Variants in LHPP observed in about 807,000 individuals in gnomAD.
LHPP encodes the protein hLHPP.
In LHPP, 24 loss-of-function variants were observed where a neutral mutation model predicts 30.3. The ratio of observed to expected loss-of-function variants is 0.79; its 90% CI spans 0.57 to 1.11. LHPP has a LOEUF of 1.11. Among genes scored for constraint, LHPP ranks in the 50% most tolerant of loss-of-function variants. LHPP has a pLI of 0.00. For missense variants in LHPP, 356 were observed against 367.2 expected, an observed-to-expected ratio of 0.97 and a Z score of 0.25; for synonymous variants, 150 against 157.1, an observed-to-expected ratio of 0.95 and a Z score of 0.34.
At chr10:124,506,157 G>A (rs1014928771) in intron 5 of LHPP, among the ~76,000 whole-genome samples, 5 of 152,076 alleles carry the variant, frequency 3.3e-5, no homozygotes, top group African/African-American at 4.8e-5. Flanking sequence ...GCTGACGCAC[G>A]AGATTCGCTT....
At chr10:124,602,326 A>G (rs1333768012) in intron 6 of LHPP, among the ~76,000 whole-genome samples, 1 of 152,272 alleles carries the variant, frequency 6.6e-6, no homozygotes, top group Non-Finnish European at 1.5e-5. Flanking sequence ...TGCAGAGCAC[A>G]TAGAGACGCC....
chr10:124,500,564 A>G (rs552481799), intron 5 of LHPP, among the ~76,000 whole-genome samples: 4 of 152,044 alleles, frequency 2.6e-5, no homozygotes, highest in Admixed American at 6.5e-5. Context: ...TTCATGTTGT[A>G]GCATGACATT....
intron 6 of LHPP, among the ~76,000 whole-genome samples, chr10:124,524,417 T>C (rs1237410502): frequency 6.6e-6 from 1 of 151,702 alleles, no homozygotes; most frequent in African/African-American, 2.4e-5. Flanking sequence ...GCTGGGATTA[T>C]AGCCACGCAC....
chr10:124,488,375 T>C (rs772257584), intron 2 of LHPP, 47 bp from the exon 3 acceptor site: 8 of 1,594,234 alleles, frequency 5.0e-6, no homozygotes, highest in Non-Finnish European at 6.9e-6. Context: ...AGGTAGGCCA[T>C]GTCCTCCCAG....
At chr10:124,498,814 AG>A (rs773583589) in intron 5 of LHPP, 6 of 292,382 alleles carry the variant, frequency 2.1e-5, no homozygotes, top group Non-Finnish European at 2.6e-5. Context: ...CTTACTAACC[AG>A]GCCCCCCCCC....
rs1440587271 is a variant in LHPP, at chr10:124,596,355, T to C, written c.717-16909T>C. Among the ~76,000 whole-genome samples the C allele has an allele frequency of 3.3e-5, 5 of 152,170 alleles. No individual in the cohort carries two copies. Among genetic ancestry groups the C allele is most frequent in the Non-Finnish European group, 7.4e-5 (5 of 68,014 alleles). On this transcript the variant is annotated intron_variant, in intron 6 of 6. Transcript: ENST00000368842. The surrounding 1 kb of genome is among the most constrained non-coding windows in gnomAD (Gnocchi z 4.6). The stretch of plus-strand genomic sequence containing the variant: ...TTTCTCCAGAGTGTCTGATGTACCA[T>C]GTTGCGCTCCCGCCAGCCTCGCTGA...
intron 6 of LHPP, among the ~76,000 whole-genome samples, chr10:124,575,945 G>T (rs1948654014): frequency 6.6e-6 from 1 of 152,192 alleles, no homozygotes; most frequent in Non-Finnish European, 1.5e-5. Context: ...CAGGTCGGGG[G>T]TCTGGGCAGC....
intron 6 of LHPP, among the ~76,000 whole-genome samples, chr10:124,526,505 AC>A (rs1311074209): frequency 6.6e-6 from 1 of 151,966 alleles, no homozygotes; most frequent in East Asian, 1.9e-4. Flanking sequence ...TTCTCAAGCC[AC>A]CCCCCAATTA....
rs1176488310 is a variant in LHPP at position 124,510,125 on chromosome 10, A to G, written c.625-7055A>G. Among the ~76,000 whole-genome samples the G allele has an allele frequency of 6.6e-6, 1 of 151,492 alleles. No homozygotes were observed. Among genetic ancestry groups the G allele is most frequent in the Non-Finnish European group, 1.5e-5 (1 of 67,852 alleles). The stretch of plus-strand genomic sequence containing the variant: ...CATTTTTTTCTCCGCCTCACACCCC[A>G]CCATGTCGTGTCTGAAAGGAAGCGA... On this transcript the variant is annotated intron_variant, in intron 5 of 6. Coordinates refer to ENST00000368842, the MANE Select transcript of LHPP (RefSeq NM_022126.4). The surrounding 1 kb of genome is among the most constrained non-coding windows in gnomAD (Gnocchi z 4.0).
intron 6 of LHPP, among the ~76,000 whole-genome samples, chr10:124,539,756 G>T: frequency 1.7e-5 from 1 of 59,754 alleles, no homozygotes; most frequent in African/African-American, 6.4e-5. Flanking sequence ...AAAAAAATTA[G>T]TCAGGCATGG....
At position 124,523,575 on chromosome 10, in the gene LHPP, G is replaced by A. The variant is rs1026759082; in HGVS notation, c.716+6304G>A. Among the ~76,000 whole-genome samples, 8 of 152,254 alleles carry A rather than the reference G, an allele frequency of 5.3e-5. No homozygotes were observed. The highest frequency in any genetic ancestry group is 1.7e-4 in the African/African-American group (7 of 41,480). ...ATGACAGATTTTTCTTCTGTGCTACGTGGAGTGTGAGGGAAGGAAGTGAAA... is the reference window on the plus strand; with the variant it reads ...ATGACAGATTTTTCTTCTGTGCTACATGGAGTGTGAGGGAAGGAAGTGAAA... On this transcript the variant is annotated intron_variant, in intron 6 of 6. Transcript: ENST00000368842. This position sits in a 1 kb window ranked among gnomAD's most constrained non-coding sequence, Gnocchi z 4.2.
intron 6 of LHPP, among the ~76,000 whole-genome samples, chr10:124,567,897 A>G (rs545266415): frequency 4.7e-4 from 72 of 152,308 alleles, no homozygotes; most frequent in African/African-American, 1.6e-3. Context: ...TAGCTATATA[A>G]TATTCCACGG....
chr10:124,574,479 GTGT>G (rs1247709251), intron 6 of LHPP, among the ~76,000 whole-genome samples: 4 of 152,242 alleles, frequency 2.6e-5, no homozygotes, highest in Admixed American at 6.5e-5. Flanking sequence ...TCTGCGGGAG[GTGT>G]TGTGTGCAGA....
In LHPP at chr10:124,517,230, G is replaced by A; in HGVS notation, c.675G>A (p.Arg225=). 1.2e-6 allele frequency: 2 copies of A among 1,606,680 alleles called. No homozygotes were observed. Among genetic ancestry groups the A allele is most frequent in the Non-Finnish European group, 1.7e-6 (2 of 1,177,000 alleles). Residue 225 remains arginine (R), a synonymous_variant, in exon 6 of 7, where the codon CGG becomes CGA. Transcript: ENST00000368842. This position sits in a 1 kb window ranked among gnomAD's most constrained non-coding sequence, Gnocchi z 4.1. ...TGGGCGACGTCGGCGGTGCCCAGCG[G>A]TGTGGAATGAGAGCGCTGCAGGTGC... is the stretch of plus-strand genomic sequence containing the variant. ...DIVGDVGGAQ[R]CGMRALQVRT... is the part of the protein sequence containing the mutation.
intron 6 of LHPP, among the ~76,000 whole-genome samples, chr10:124,558,586 G>A (rs1948341220): frequency 6.6e-6 from 1 of 152,246 alleles, no homozygotes; most frequent in East Asian, 1.9e-4. Context: ...AGCCCTGAGT[G>A]GGCATCCTGG....
intron 5 of LHPP, among the ~76,000 whole-genome samples, chr10:124,499,792 G>A (rs1564792000): frequency 6.6e-6 from 1 of 151,942 alleles, no homozygotes; most frequent in South Asian, 2.1e-4. Context: ...TGTGCATTTC[G>A]GTCCAGAACA....
chr10:124,541,352 T>C lies in LHPP; in HGVS notation c.716+24081T>C, dbSNP rs1414407042. 2.0e-5 allele frequency among the ~76,000 whole-genome samples: 3 copies of C among 152,190 alleles called. No individual in the cohort carries two copies. The highest frequency in any genetic ancestry group is 6.5e-5 in the Admixed American group (1 of 15,282). On this transcript the variant is annotated intron_variant, in intron 6 of 6. Coordinates refer to ENST00000368842, the MANE Select transcript of LHPP (RefSeq NM_022126.4). The surrounding 1 kb of genome is among the most constrained non-coding windows in gnomAD (Gnocchi z 4.2). ...AGGGCTGCTTTGTGGCGGGCGTTCA[T>C]TGTGGAAAGAGCCCAGGAAGGAGCT...
chr10:124,575,096 A>C (rs1948640663), intron 6 of LHPP, among the ~76,000 whole-genome samples: 1 of 152,178 alleles, frequency 6.6e-6, no homozygotes, highest in Non-Finnish European at 1.5e-5. Flanking sequence ...ATATTTTTGC[A>C]TAGTCTTAAA....
At chr10:124,466,422 G>C (rs1952554706) in intron 1 of LHPP, among the ~76,000 whole-genome samples, 1 of 152,190 alleles carries the variant, frequency 6.6e-6, no homozygotes, top group African/African-American at 2.4e-5. Flanking sequence ...CAGGGTAGGA[G>C]AAAGACTCTT....
Sources: allele counts gnomAD v4.1 joint callset (sites outside exome capture counted in the v4.1 genomes callset), GRCh38; gene constraint gnomAD v4.1.1; non-coding constraint Gnocchi (gnomAD v3.1); transcripts MANE v1.5; gene names NCBI Gene and HGNC (gene_info 2026-07-23, HGNC 2026-07-21).